The following SEMA4D variants were observed in gnomAD, a reference collection of about 807,000 sequenced individuals.
SEMA4D encodes semaphorin-4D.
Under a neutral mutation model 74.8 loss-of-function variants are expected in SEMA4D, and 22 were observed. That is an observed-to-expected ratio of 0.29 (90% CI 0.21 to 0.42). The LOEUF (loss-of-function observed/expected upper bound fraction) is 0.42. SEMA4D is among the 10% of genes least tolerant of loss of function. SEMA4D has a pLI of 1.00. For synonymous variants in SEMA4D, 445 were observed against 463.7 expected (o/e 0.96, Z 0.52); for missense variants, 937 against 1,118.4 (o/e 0.84, Z 2.31).
At chr9:89,410,122 C>A (rs934113220) in intron 2 of SEMA4D, among the ~76,000 whole-genome samples, 1 of 152,052 alleles carries the variant, frequency 6.6e-6, no homozygotes, top group Non-Finnish European at 1.5e-5. Context: ...TTGCAGCACA[C>A]GCTGATTTCT....
intron 2 of SEMA4D, among the ~76,000 whole-genome samples, chr9:89,424,553 T>TTC (rs1847707556): frequency 6.6e-6 from 1 of 152,154 alleles, no homozygotes; most frequent in Admixed American, 6.5e-5. Flanking sequence ...GCTCTTTTTT[T>TTC]TCAGAACCTT....
chr9:89,415,884 G>A (rs1222919002), intron 2 of SEMA4D, among the ~76,000 whole-genome samples: 1 of 152,182 alleles, frequency 6.6e-6, no homozygotes, highest in East Asian at 1.9e-4. Context: ...TACACTGGTA[G>A]CGCCTTTGAT....
At chr9:89,384,803 G>A in intron 13 of SEMA4D, 10 of 985,380 alleles carry the variant, frequency 1.0e-5, no homozygotes, top group Non-Finnish European at 1.2e-5. Flanking sequence ...GAGCCTGATG[G>A]GGTCAGGCGG....
chr9:89,454,442 CTATTTCCACACCAGATCTAG>C (rs1238054125), intron 2 of SEMA4D, among the ~76,000 whole-genome samples: 1 of 152,204 alleles, frequency 6.6e-6, no homozygotes, highest in Non-Finnish European at 1.5e-5. Flanking sequence ...ACTCCCTCCT[CTATTTCCACACCAGATCTAG>C]CAGGAGTGGA....
chr9:89,449,462 C>T (rs1478364025), intron 2 of SEMA4D: 4 of 673,906 alleles, frequency 5.9e-6, no homozygotes, highest in Middle Eastern at 4.3e-4. Context: ...GCCCTCTCCT[C>T]GAGGATCGAG....
intron 1 of SEMA4D, among the ~76,000 whole-genome samples, chr9:89,463,171 A>G (rs1285961106): frequency 2.6e-5 from 4 of 151,876 alleles, no homozygotes; most frequent in Admixed American, 6.6e-5. Flanking sequence ...GGAATACCAG[A>G]TGGGGAAAAA....
intron 2 of SEMA4D, among the ~76,000 whole-genome samples, chr9:89,417,479 G>T (rs1845966400): frequency 6.6e-6 from 1 of 152,208 alleles, no homozygotes; most frequent in Non-Finnish European, 1.5e-5. Flanking sequence ...CCTTGTGGGG[G>T]CTCATTCATG....
At chr9:89,441,786 T>C (rs1348098177) in intron 2 of SEMA4D, among the ~76,000 whole-genome samples, 2 of 152,000 alleles carry the variant, frequency 1.3e-5, no homozygotes, top group Non-Finnish European at 2.9e-5. Context: ...CTAACCCCCC[T>C]CCCACACTCC....
At chr9:89,431,713 G>GCC (rs1849314037) in intron 2 of SEMA4D, among the ~76,000 whole-genome samples, 1 of 152,062 alleles carries the variant, frequency 6.6e-6, no homozygotes, top group Non-Finnish European at 1.5e-5. Context: ...GCCCAGGCTG[G>GCC]CTTTGAATTC....
intron 1 of SEMA4D, among the ~76,000 whole-genome samples, chr9:89,466,107 A>G (rs1858623217): frequency 6.6e-6 from 1 of 152,146 alleles, no homozygotes; most frequent in Non-Finnish European, 1.5e-5. Flanking sequence ...AGGACCACAC[A>G]GGGTGCACGC....
intron 16 of SEMA4D, among the ~76,000 whole-genome samples, chr9:89,370,469 T>G (rs1237331359): frequency 7.1e-6 from 1 of 141,714 alleles, no homozygotes; most frequent in Non-Finnish European, 1.5e-5. Context: ...TGTGTCTGGT[T>G]TGTGTGTGTG....
In SEMA4D at chr9:89,431,252, C is replaced by A. The variant is rs907486528; in HGVS notation, c.-244+24636G>T. ...CTCCCAGGCTGACTCCTAACCCTGGCGGCTCCTGCTCCTGCTCCTGCGGGT... is the reference window on the plus strand; with the variant it reads ...CTCCCAGGCTGACTCCTAACCCTGGAGGCTCCTGCTCCTGCTCCTGCGGGT... On this transcript the variant is annotated intron_variant, in intron 2 of 15. Coordinates refer to ENST00000422704, the MANE Select transcript of SEMA4D (RefSeq NM_001371194.2). 2.0e-5 allele frequency among the ~76,000 whole-genome samples: 3 copies of A among 152,274 alleles called. No individual in the cohort carries two copies. In the East Asian group the frequency reaches 5.8e-4, roughly 29 times the overall value.
rs1190080702 is a variant in SEMA4D at position 89,492,187 on chromosome 9, C to T, written c.-310+5732G>A. Among the ~76,000 whole-genome samples, 3 of 152,176 alleles carry T rather than the reference C, an allele frequency of 2.0e-5. No homozygotes were observed. The highest frequency in any genetic ancestry group is 6.5e-5 in the Admixed American group (1 of 15,276). ...CACCCCATACTTCAGCCCACCATCC[C>T]AGACCACATGGATAAACCCCAGGTT... On this transcript the variant is annotated intron_variant, in intron 1 of 15. Coordinates refer to ENST00000422704, the MANE Select transcript of SEMA4D (RefSeq NM_001371194.2). The surrounding 1 kb of genome is among the most constrained non-coding windows in gnomAD (Gnocchi z 4.3).
At chr9:89,411,200 T>A (rs1844458529) in intron 2 of SEMA4D, among the ~76,000 whole-genome samples, 1 of 152,196 alleles carries the variant, frequency 6.6e-6, no homozygotes, top group South Asian at 2.1e-4. Context: ...ATTTTAAGGC[T>A]CTGGCAAAGA....
Position 89,388,796 on chromosome 9 carries a change from G to C in SEMA4D, c.951-4C>G, listed in dbSNP as rs557575285. On this transcript the variant is annotated splice_polypyrimidine_tract_variant and splice_region_variant and intron_variant, in intron 10 of 15. Transcript: ENST00000422704. Reference sequence around the variant, plus strand: ...TGCCGACAGCCCCACGTTGTTCCTGGGGAGGGGAAAGAGGTGACGGGACCA... The same window carrying C: ...TGCCGACAGCCCCACGTTGTTCCTGCGGAGGGGAAAGAGGTGACGGGACCA... 1.2e-6 allele frequency: 2 copies of C among 1,605,434 alleles called. No individual in the cohort carries two copies. The highest frequency in any genetic ancestry group is 4.5e-5 in the East Asian group (2 of 44,664).
chr9:89,363,384 C>A (rs374369360), intron 18 of SEMA4D: 15 of 1,600,162 alleles, frequency 9.4e-6, no homozygotes, highest in Non-Finnish European at 1.2e-5. Context: ...AGGTGCCCTG[C>A]CCCTGGCTCC....
intron 8 of SEMA4D, among the ~76,000 whole-genome samples, chr9:89,392,060 T>C (rs922725387): frequency 6.6e-6 from 1 of 152,202 alleles, no homozygotes; most frequent in South Asian, 2.1e-4. Flanking sequence ...CGGAGGCAGG[T>C]CCCACACCAG....
At chr9:89,412,585 C>T (rs376646290) in intron 2 of SEMA4D, among the ~76,000 whole-genome samples, 1 of 152,328 alleles carries the variant, frequency 6.6e-6, no homozygotes, top group African/African-American at 2.4e-5. Flanking sequence ...GCTTCCAGGC[C>T]CTGCCCTGAG....
intron 1 of SEMA4D, among the ~76,000 whole-genome samples, chr9:89,460,032 G>GC (rs1015453844): frequency 6.6e-5 from 10 of 152,104 alleles, no homozygotes; most frequent in African/African-American, 2.2e-4. Context: ...GGCTCACGAT[G>GC]CCCCCACCCA....
Sources: gnomAD v4.1 joint callset for allele counts (sites outside exome capture counted in the v4.1 genomes callset) on GRCh38, gnomAD v4.1.1 for gene constraint, Gnocchi (gnomAD v3.1) non-coding constraint, MANE v1.5 for transcripts, NCBI Gene and HGNC (gene_info 2026-07-23, HGNC 2026-07-21) for gene names.